Variants in EMCN observed in about 807,000 individuals in gnomAD.
EMCN encodes MUC-14.
A neutral mutation model predicts 38.4 loss-of-function variants in EMCN; 37 were observed. That is an observed-to-expected ratio of 0.96 (90% CI 0.74 to 1.27). The LOEUF is 1.27. EMCN is among the 50% of genes most tolerant of loss of function. EMCN has a pLI of 0.00. For synonymous variants in EMCN, 95 were observed against 100.8 expected (o/e 0.94, Z 0.35); for missense variants, 318 against 302.8 (o/e 1.05, Z -0.37).
intron 7 of EMCN, 135 bp from the exon 8 acceptor site, chr4:100,421,512 G>T: frequency 2.9e-6 from 2 of 680,942 alleles, no homozygotes; most frequent in Non-Finnish European, 5.1e-6. Context: ...TTTAGGCAAA[G>T]ATTCCTCTGA....
At chr4:100,473,140 G>A (rs1002242208) in intron 3 of EMCN, among the ~76,000 whole-genome samples, 5 of 149,110 alleles carry the variant, frequency 3.4e-5, no homozygotes, top group South Asian at 2.1e-4. Flanking sequence ...TCAGCCTCCC[G>A]GGTAGCTGGG....
chr4:100,452,454 A>G (rs915921594), intron 4 of EMCN, among the ~76,000 whole-genome samples: 1 of 152,064 alleles, frequency 6.6e-6, no homozygotes, highest in African/African-American at 2.4e-5. Context: ...CTATCCAAGT[A>G]CTTGCTTTAG....
At chr4:100,398,627 C>T (rs923941170) in intron 11 of EMCN, among the ~76,000 whole-genome samples, 4 of 152,136 alleles carry the variant, frequency 2.6e-5, no homozygotes, top group South Asian at 4.1e-4. Flanking sequence ...GTATTTCCTC[C>T]ATGATGCATT....
In EMCN at chr4:100,395,915, A is replaced by G. The variant is rs956614166; in HGVS notation, c.*2498T>C. The G allele has an allele frequency of 1.2e-4, 18 of 152,292 alleles. No homozygotes were observed. Among genetic ancestry groups the G allele is most frequent in the African/African-American group, 4.3e-4 (18 of 41,560 alleles). The allele number at this position is 152,292 out of a possible 1,614,324, so 9.4% of individuals were successfully genotyped here. ...TTTTGACTATTGATAGACTTAAATT[A>G]TATTCATATTATTATGCAAAACAAA... is the stretch of plus-strand genomic sequence containing the variant. On this transcript the variant is annotated 3_prime_UTR_variant, in exon 12 of 12. Coordinates refer to ENST00000296420, the MANE Select transcript of EMCN (RefSeq NM_016242.4).
At chr4:100,439,890 G>C (rs1359347121) in intron 5 of EMCN, among the ~76,000 whole-genome samples, 1 of 151,720 alleles carries the variant, frequency 6.6e-6, no homozygotes, top group African/African-American at 2.4e-5. Flanking sequence ...TGACTCATTG[G>C]TTGTTCAGGA....
At chr4:100,500,463 A>AC (rs1319560960) in intron 1 of EMCN, among the ~76,000 whole-genome samples, 1 of 152,178 alleles carries the variant, frequency 6.6e-6, no homozygotes. Flanking sequence ...ATAGAATATT[A>AC]CCAGCAGTGT....
chr4:100,460,090 A>T (rs755825925), intron 4 of EMCN, among the ~76,000 whole-genome samples: 2 of 152,080 alleles, frequency 1.3e-5, no homozygotes, highest in Non-Finnish European at 2.9e-5. Context: ...AGCACTTTTT[A>T]TCTCTCATCT....
At position 100,415,966 on chromosome 4, in the gene EMCN, G is replaced by GAAA; in HGVS notation, c.690-10_690-8dup. 3 of 1,358,224 alleles carry GAAA rather than the reference G, an allele frequency of 2.2e-6. No individual in the cohort carries two copies. Among genetic ancestry groups the GAAA allele is most frequent in the Non-Finnish European group, 3.0e-6 (3 of 999,554 alleles). 84.1% of individuals were successfully genotyped at this position (1,358,224 alleles called of 1,614,324 possible). A position where few individuals can be genotyped will look rare whatever the true frequency, so the allele number is the denominator to read the frequency against. Reference sequence around the variant, plus strand: ...CTCTTTATCAGACTGAGGTCTATTTGAAAAAAAAAACATGAAATTAACACC... The same window carrying GAAA: ...CTCTTTATCAGACTGAGGTCTATTTGAAAAAAAAAAAAACATGAAATTAACACC... On this transcript the variant is annotated splice_region_variant and splice_polypyrimidine_tract_variant and intron_variant, in intron 9 of 11. Coordinates refer to ENST00000296420, the MANE Select transcript of EMCN (RefSeq NM_016242.4).
intron 1 of EMCN, among the ~76,000 whole-genome samples, chr4:100,482,651 C>T (rs1274527680): frequency 3.9e-5 from 6 of 151,902 alleles, no homozygotes; most frequent in South Asian, 2.1e-4. Context: ...ATACTGAAGG[C>T]GAACTGTAGA....
chr4:100,421,320 A>T lies in EMCN; in HGVS notation c.626T>A (p.Leu209Gln), dbSNP rs780741104. Residue 209 changes from leucine to glutamine, a missense_variant, in exon 8 of 12, where the codon CTG (leucine) becomes CAG (glutamine). Coordinates refer to ENST00000296420, the MANE Select transcript of EMCN (RefSeq NM_016242.4). ...CCAGCACATTCGGTACAAACCCACC[A>T]GAACAAATACTGAAAGTGTTATTAC... ...LIVITLSVFV[L>Q]VGLYRMCWKA... 3 of 1,612,984 alleles carry T rather than the reference A, an allele frequency of 1.9e-6. No homozygotes were observed. Among genetic ancestry groups the T allele is most frequent in the African/African-American group, 1.3e-5 (1 of 75,002 alleles).
chr4:100,481,842 T>C (rs745383966), intron 1 of EMCN, among the ~76,000 whole-genome samples: 34 of 151,716 alleles, frequency 2.2e-4, no homozygotes, highest in Non-Finnish European at 4.6e-4. Context: ...TTAGAGATGT[T>C]TTCCTTCCTT....
intron 5 of EMCN, among the ~76,000 whole-genome samples, chr4:100,439,492 CTTTAA>C (rs911988682): frequency 6.6e-6 from 1 of 151,058 alleles, no homozygotes; most frequent in African/African-American, 2.4e-5. Flanking sequence ...ATTTTTTTCG[CTTTAA>C]TTTATGATTT....
chr4:100,430,507 C>T (rs1299193004), intron 5 of EMCN, among the ~76,000 whole-genome samples: 1 of 152,120 alleles, frequency 6.6e-6, no homozygotes, highest in Non-Finnish European at 1.5e-5. Context: ...AACAAGGAGA[C>T]AGGGAGAATT....
intron 1 of EMCN, among the ~76,000 whole-genome samples, chr4:100,506,517 C>T (rs182504549): frequency 2.6e-4 from 40 of 151,842 alleles, no homozygotes; most frequent in Admixed American, 9.2e-4. Context: ...TAAAGGGGTG[C>T]TTATTACTCA....
At chr4:100,447,688 T>G in intron 4 of EMCN, 117 bp from the exon 5 acceptor site, 1 of 609,428 alleles carries the variant, frequency 1.6e-6, no homozygotes, top group Non-Finnish European at 2.8e-6. Context: ...TCTGATTCAC[T>G]ATTTTCAAAT....
At chr4:100,515,055 A>G (rs992102766) in intron 1 of EMCN, among the ~76,000 whole-genome samples, 37 of 152,164 alleles carry the variant, frequency 2.4e-4, no homozygotes, top group African/African-American at 8.9e-4. Context: ...TCACTAACAA[A>G]GGAATTTCTC....
chr4:100,497,332 G>A (rs974733642), intron 1 of EMCN, among the ~76,000 whole-genome samples: 9 of 149,942 alleles, frequency 6.0e-5, no homozygotes, highest in Admixed American at 2.0e-4. Context: ...CATTGCAAAG[G>A]AATATGAACT....
chr4:100,453,186 T>C (rs1475701798), intron 4 of EMCN, among the ~76,000 whole-genome samples: 2 of 152,020 alleles, frequency 1.3e-5, no homozygotes, highest in East Asian at 3.9e-4. Context: ...CTAATTAAAC[T>C]AAAGAGCTTC....
rs74413003 is a variant in EMCN, at chr4:100,407,287, G to A, written c.*39+2995C>T. 3.7e-3 allele frequency among the ~76,000 whole-genome samples: 557 copies of A among 152,134 alleles called. 7 individuals carry two copies. Among genetic ancestry groups the A allele is most frequent in the African/African-American group, 0.013 (526 of 41,540 alleles). ...TTCTGTTGTTACCTGGCGTTACGTA[G>A]ACATGATTGTGTTTTTGCTTTATAG... is the stretch of plus-strand genomic sequence containing the variant. On this transcript the variant is annotated intron_variant, in intron 11 of 11. Coordinates refer to ENST00000296420, the MANE Select transcript of EMCN (RefSeq NM_016242.4).
Sources: gnomAD v4.1 joint callset for allele counts (sites outside exome capture counted in the v4.1 genomes callset) on GRCh38, gnomAD v4.1.1 for gene constraint, MANE v1.5 for transcripts, NCBI Gene and HGNC (gene_info 2026-07-23, HGNC 2026-07-21) for gene names.